The following SMYD3 variants were observed in gnomAD, a reference collection of about 807,000 sequenced individuals.
SMYD3 encodes the protein histone-lysine N-methyltransferase SMYD3.
Under a neutral mutation model 57.7 loss-of-function variants are expected in SMYD3, and 36 were observed. The ratio of observed to expected loss-of-function variants is 0.62; its 90% CI spans 0.48 to 0.82. The LOEUF is 0.82. Among genes scored for constraint, SMYD3 ranks in the 40% least tolerant of loss-of-function variants. The pLI, the probability that SMYD3 is intolerant of heterozygous loss-of-function variation, is 0.00. For synonymous variants in SMYD3, 211 were observed against 195.0 expected (o/e 1.08, Z -0.68); for missense variants, 515 against 538.8 (o/e 0.96, Z 0.44).
chr1:246,353,365 A>T (rs1244989607), intron 2 of SMYD3, among the ~76,000 whole-genome samples: 1 of 151,952 alleles, frequency 6.6e-6, no homozygotes, highest in Non-Finnish European at 1.5e-5. Context: ...CGTCTCCATT[A>T]AAATTTTTTT....
At chr1:245,979,511 A>G (rs1351071279) in intron 5 of SMYD3, among the ~76,000 whole-genome samples, 1 of 152,164 alleles carries the variant, frequency 6.6e-6, no homozygotes, top group Non-Finnish European at 1.5e-5. Context: ...AGAGTTCCAC[A>G]TGAAGACGGG....
chr1:246,115,886 C>G (rs1226331795), intron 5 of SMYD3, among the ~76,000 whole-genome samples: 2 of 152,138 alleles, frequency 1.3e-5, no homozygotes, highest in Non-Finnish European at 2.9e-5. Flanking sequence ...CACCTGTAAT[C>G]CCAGCACTTC....
rs143278014 is a variant in SMYD3, at chr1:245,881,484, A to G, written c.814-17598T>C. ...TTATGAGTAAAAGTCATTTTGAAGC[A>G]TCAGGTAATAGAGATTTTTGGCATG... On this transcript the variant is annotated intron_variant, in intron 8 of 11. Coordinates refer to ENST00000490107, the MANE Select transcript of SMYD3 (RefSeq NM_001167740.2). Among the ~76,000 whole-genome samples, 1,105 of 152,220 alleles carry G rather than the reference A, an allele frequency of 7.3e-3. 6 individuals carry two copies. The highest frequency in any genetic ancestry group is 9.4e-3 in the Non-Finnish European group (637 of 68,028).
intron 5 of SMYD3, among the ~76,000 whole-genome samples, chr1:245,982,127 G>A (rs2058610400): frequency 6.6e-6 from 1 of 152,022 alleles, no homozygotes; most frequent in South Asian, 2.1e-4. Context: ...TAGCACAGCT[G>A]TAATAGAATC....
chr1:246,237,660 G>C (rs2063533411), intron 5 of SMYD3, among the ~76,000 whole-genome samples: 1 of 152,124 alleles, frequency 6.6e-6, no homozygotes, highest in Non-Finnish European at 1.5e-5. Flanking sequence ...TAAACCTCTA[G>C]TATGCACAGA....
chr1:246,325,820 C>T (rs2065340167), intron 5 of SMYD3: 1 of 152,122 alleles, frequency 6.6e-6, no homozygotes, highest in African/African-American at 2.4e-5. Flanking sequence ...TAATAATCAT[C>T]ATAAGGTATA....
intron 2 of SMYD3, among the ~76,000 whole-genome samples, chr1:246,343,859 A>G (rs1227130880): frequency 6.6e-6 from 1 of 152,166 alleles, no homozygotes; most frequent in African/African-American, 2.4e-5. Context: ...TGATCACTGT[A>G]TTACAGAAAA....
chr1:245,894,879 C>T (rs189791604), intron 8 of SMYD3, among the ~76,000 whole-genome samples: 85 of 152,310 alleles, frequency 5.6e-4, no homozygotes, highest in Non-Finnish European at 1.1e-3. Context: ...ACAGAATTCA[C>T]GACACCACAA....
At chr1:246,030,260 T>C (rs1285297823) in intron 5 of SMYD3, among the ~76,000 whole-genome samples, 1 of 152,184 alleles carries the variant, frequency 6.6e-6, no homozygotes, top group Non-Finnish European at 1.5e-5. Context: ...AATCCTGTCA[T>C]TTGCAGCAAC....
intron 2 of SMYD3, among the ~76,000 whole-genome samples, chr1:246,340,086 C>G (rs529318224): frequency 6.6e-6 from 1 of 151,584 alleles, no homozygotes; most frequent in African/African-American, 2.4e-5. Flanking sequence ...CAAAGGAGGT[C>G]GTTATATATA....
At chr1:245,818,409 AG>A (rs1474133789) in intron 10 of SMYD3, among the ~76,000 whole-genome samples, 3 of 152,226 alleles carry the variant, frequency 2.0e-5, no homozygotes, top group Non-Finnish European at 4.4e-5. Context: ...AAACATCGAA[AG>A]GAACAACCGG....
chr1:246,480,567 A>G (rs900673396), intron 1 of SMYD3, among the ~76,000 whole-genome samples: 2 of 152,154 alleles, frequency 1.3e-5, no homozygotes, highest in Non-Finnish European at 2.9e-5. Context: ...CTATTCCGAG[A>G]GAAAGGGGAA....
intron 10 of SMYD3, among the ~76,000 whole-genome samples, chr1:245,818,710 C>T (rs1045195696): frequency 5.9e-5 from 9 of 151,326 alleles, no homozygotes; most frequent in African/African-American, 1.9e-4. Context: ...ATCTACCAAG[C>T]AAATGGAAAA....
intron 8 of SMYD3, among the ~76,000 whole-genome samples, chr1:245,881,872 A>G (rs770473043): frequency 3.2e-4 from 48 of 152,282 alleles, no homozygotes; most frequent in Non-Finnish European, 4.7e-4. Context: ...TTTTGGACAG[A>G]GGGAAGCCAA....
chr1:246,021,344 A>G (rs2059467546), intron 5 of SMYD3, among the ~76,000 whole-genome samples: 1 of 152,204 alleles, frequency 6.6e-6, no homozygotes, highest in Non-Finnish European at 1.5e-5. Context: ...GCCTGAAGAA[A>G]GACTTAGAGT....
intron 1 of SMYD3, among the ~76,000 whole-genome samples, chr1:246,382,473 G>A (rs887052515): frequency 6.6e-6 from 1 of 152,006 alleles, no homozygotes; most frequent in South Asian, 2.1e-4. Context: ...ACAGCCTTAG[G>A]CACCAGGCTA....
chr1:246,096,813 G>A lies in SMYD3; in HGVS notation c.532-166876C>T, dbSNP rs542586990. Among the ~76,000 whole-genome samples the A allele has an allele frequency of 4.6e-5, 7 of 152,156 alleles. No individual in the cohort carries two copies. In the South Asian group the frequency reaches 1.0e-3, roughly 23 times the overall value. ...TCATTGTAACTCTAATTCCAGTTAC[G>A]TGACAACAAGTACAGTTTATGGGAA... On this transcript the variant is annotated intron_variant, in intron 5 of 11. Transcript: ENST00000490107.
intron 5 of SMYD3, among the ~76,000 whole-genome samples, chr1:245,987,743 C>A (rs2058731460): frequency 6.6e-6 from 1 of 152,190 alleles, no homozygotes; most frequent in African/African-American, 2.4e-5. Context: ...AAAGTCCCGG[C>A]ACTTAAGCAC....
chr1:245,863,828 T>C lies in SMYD3; in HGVS notation c.872A>G (p.Lys291Arg). The stretch of plus-strand genomic sequence containing the variant: ...GTGTGCCTTCAGTTCTTCAATTTTT[T>C]TCAGGGATTCTTGAACTTCCTTCCA... ...QVWKEVQESL[K>R]KIEELKAHWK... Residue 291 changes from lysine to arginine, a missense_variant, in exon 9 of 12, where the codon AAA (lysine) becomes AGA (arginine). Lys to Arg is a conservative substitution (Grantham distance 26, BLOSUM62 2). Coordinates refer to ENST00000490107, the MANE Select transcript of SMYD3 (RefSeq NM_001167740.2). The C allele has an allele frequency of 6.2e-7, 1 of 1,614,152 alleles. No homozygotes were observed. The highest frequency in any genetic ancestry group is 8.5e-7 in the Non-Finnish European group (1 of 1,180,000).
Sources: gnomAD v4.1 joint callset for allele counts (sites outside exome capture counted in the v4.1 genomes callset) on GRCh38, gnomAD v4.1.1 for gene constraint, MANE v1.5 for transcripts, NCBI Gene and HGNC (gene_info 2026-07-23, HGNC 2026-07-21) for gene names.